The following FRMD4A variants were observed in gnomAD, a reference collection of about 807,000 sequenced individuals.
The protein encoded by FRMD4A is FERM domain containing 4A, also known as FERM domain-containing protein 4A.
A neutral mutation model predicts 129.1 loss-of-function variants in FRMD4A; 29 were observed. That is an observed-to-expected ratio of 0.22 (90% CI 0.17 to 0.31). The LOEUF is 0.31. Ranked by LOEUF, FRMD4A falls within the 10% of genes least tolerant of loss-of-function variation. The pLI, the probability that FRMD4A is intolerant of heterozygous loss-of-function variation, is 1.00. For synonymous variants in FRMD4A, 634 were observed against 571.6 expected, an observed-to-expected ratio of 1.11 and a Z score of -1.56; for missense variants, 1,272 against 1,375.8, an observed-to-expected ratio of 0.92 and a Z score of 1.19.
Position 13,777,791 on chromosome 10 carries a change from A to ATTTTTTTTTTTTTT in FRMD4A, c.384+5117_384+5130dup, listed in dbSNP as rs34059772. Among the ~76,000 whole-genome samples the ATTTTTTTTTTTTTT allele has an allele frequency of 1.3e-4, 11 of 85,986 alleles. 2 individuals are homozygous for ATTTTTTTTTTTTTT. In the East Asian group the frequency reaches 2.8e-3, roughly 22 times the overall value. The allele number at this position is 85,986 out of a possible 152,430, so 56.4% of individuals were successfully genotyped here. A position where few individuals can be genotyped will look rare whatever the true frequency, so the allele number is the denominator to read the frequency against. On this transcript the variant is annotated intron_variant, in intron 6 of 24. Coordinates refer to ENST00000357447, the MANE Select transcript of FRMD4A (RefSeq NM_018027.5). ...GTCTGCCCAAGTAGGCTTTGGGTCA[A>ATTTTTTTTTTTTTT]TTTTTTTTTTTTTTTTTTTTTTTTT...
intron 24 of FRMD4A, chr10:13,647,577 C>T (rs1197869780): frequency 1.3e-5 from 2 of 151,944 alleles, no homozygotes; most frequent in Admixed American, 1.3e-4. Context: ...GTGAGTTTTC[C>T]CTATAGTGAA....
intron 2 of FRMD4A, among the ~76,000 whole-genome samples, chr10:14,043,192 G>C (rs1465399615): frequency 1.3e-5 from 2 of 152,086 alleles, no homozygotes; most frequent in East Asian, 3.9e-4. Context: ...TCACCAAAAA[G>C]TGTGCACATT....
intron 2 of FRMD4A, among the ~76,000 whole-genome samples, chr10:14,309,053 A>G (rs1846448170): frequency 6.6e-6 from 1 of 152,220 alleles, no homozygotes; most frequent in Non-Finnish European, 1.5e-5. Flanking sequence ...AAAGCACTTT[A>G]TGTAAGCCTA....
chr10:13,695,993 C>T (rs1290004507), intron 14 of FRMD4A, among the ~76,000 whole-genome samples: 1 of 152,206 alleles, frequency 6.6e-6, no homozygotes, highest in African/African-American at 2.4e-5. Context: ...AACACTGAGG[C>T]ATGGCGCTTG....
At chr10:13,911,254 TG>T (rs1724434856) in intron 2 of FRMD4A, among the ~76,000 whole-genome samples, 1 of 152,218 alleles carries the variant, frequency 6.6e-6, no homozygotes, top group Non-Finnish European at 1.5e-5. Flanking sequence ...TTCCTGCACA[TG>T]ATAAGATCAT....
intron 3 of FRMD4A, among the ~76,000 whole-genome samples, chr10:13,817,281 G>C (rs10906497): frequency 0.35 from 52,511 of 152,062 alleles, 10,094 homozygotes; most frequent in Non-Finnish European, 0.44. Flanking sequence ...GTGGCTCCAG[G>C]ACCCAGATCT....
At chr10:13,708,145 C>T (rs986770469) in intron 12 of FRMD4A, among the ~76,000 whole-genome samples, 7 of 152,188 alleles carry the variant, frequency 4.6e-5, no homozygotes, top group African/African-American at 1.4e-4. Context: ...TGTCTTTCTG[C>T]GGGGAACAGC....
At chr10:13,731,967 CAT>C (rs926753472) in intron 12 of FRMD4A, among the ~76,000 whole-genome samples, 55 of 152,244 alleles carry the variant, frequency 3.6e-4, no homozygotes, top group African/African-American at 1.3e-3. Flanking sequence ...CTGTTCCTGA[CAT>C]GTGTACCCTG....
intron 2 of FRMD4A, among the ~76,000 whole-genome samples, chr10:13,925,595 T>TTTTTTTG (rs2095124330): frequency 9.1e-6 from 1 of 109,560 alleles, no homozygotes; most frequent in Non-Finnish European, 1.8e-5. Flanking sequence ...TTTTTTTTTT[T>TTTTTTTG]TTTTTTGAGA....
At chr10:13,650,390 G>A (rs1302237107) in intron 24 of FRMD4A, among the ~76,000 whole-genome samples, 2 of 152,124 alleles carry the variant, frequency 1.3e-5, no homozygotes, top group Non-Finnish European at 2.9e-5. Flanking sequence ...GTGTGTCCCT[G>A]CATGTGCACA....
chr10:14,014,358 C>T (rs1257901606), intron 2 of FRMD4A, among the ~76,000 whole-genome samples: 6 of 152,136 alleles, frequency 3.9e-5, no homozygotes, highest in Non-Finnish European at 7.3e-5. Context: ...TTAATATGTA[C>T]GTGTATTATA....
intron 2 of FRMD4A, among the ~76,000 whole-genome samples, chr10:13,918,771 G>A (rs562029033): frequency 1.3e-5 from 2 of 151,562 alleles, no homozygotes; most frequent in Admixed American, 6.6e-5. Context: ...ACAGTGATCC[G>A]CCTGCCTCGG....
chr10:14,140,111 G>A (rs1589060005), intron 2 of FRMD4A, among the ~76,000 whole-genome samples: 2 of 152,036 alleles, frequency 1.3e-5, no homozygotes, highest in East Asian at 3.9e-4. Context: ...ACCCAGGCTG[G>A]AGTGCACTGG....
At chr10:14,100,052 C>T (rs539586236) in intron 2 of FRMD4A, among the ~76,000 whole-genome samples, 10 of 152,348 alleles carry the variant, frequency 6.6e-5, no homozygotes, top group African/African-American at 1.4e-4. Flanking sequence ...TTCACCCCCA[C>T]GTGCCAGACA....
intron 2 of FRMD4A, among the ~76,000 whole-genome samples, chr10:13,868,064 G>A (rs1372418718): frequency 6.7e-6 from 1 of 149,874 alleles, no homozygotes; most frequent in Non-Finnish European, 1.5e-5. Context: ...GACCAGCCTG[G>A]GCAACATAGT....
chr10:13,982,346 G>A (rs973285481), intron 2 of FRMD4A, among the ~76,000 whole-genome samples: 5 of 151,910 alleles, frequency 3.3e-5, no homozygotes, highest in Non-Finnish European at 4.4e-5. Context: ...AGCTGGGCAC[G>A]GTGGCATGCG....
intron 2 of FRMD4A, among the ~76,000 whole-genome samples, chr10:13,975,389 TTGTCTC>T (rs1444672864): frequency 1.3e-5 from 2 of 151,536 alleles, no homozygotes; most frequent in African/African-American, 4.9e-5. Flanking sequence ...GCATATGTCT[TTGTCTC>T]TGTGTGTGTG....
chr10:13,813,066 C>T (rs1281149783), intron 3 of FRMD4A, among the ~76,000 whole-genome samples: 1 of 152,236 alleles, frequency 6.6e-6, no homozygotes, highest in Non-Finnish European at 1.5e-5. Context: ...GCACTAGCTC[C>T]ACCCCCAGGA....
At chr10:14,190,053 C>T (rs1842269813) in intron 2 of FRMD4A, among the ~76,000 whole-genome samples, 1 of 152,184 alleles carries the variant, frequency 6.6e-6, no homozygotes, top group Non-Finnish European at 1.5e-5. Flanking sequence ...ACACCACTTT[C>T]CAAAATATAT....
Sources: allele counts gnomAD v4.1 joint callset (sites outside exome capture counted in the v4.1 genomes callset), GRCh38; gene constraint gnomAD v4.1.1; transcripts MANE v1.5; gene names NCBI Gene and HGNC (gene_info 2026-07-23, HGNC 2026-07-21).